RANBP3: variants seen among roughly 807,000 people sequenced by gnomAD.
The protein encoded by RANBP3 is RAN binding protein 3, also known as ran-binding protein 3.
RANBP3 carries 14 observed loss-of-function variants against 77.3 expected under a neutral mutation model. The observed-to-expected ratio is 0.18, with a 90% CI of 0.12 to 0.28. The LOEUF is 0.28. RANBP3 is among the 10% of genes least tolerant of loss of function. The pLI, the probability that RANBP3 is intolerant of heterozygous loss-of-function variation, is 1.00. For missense variants in RANBP3, 586 were observed against 752.3 expected (o/e 0.78, Z 2.59); for synonymous variants, 315 against 312.4 (o/e 1.01, Z -0.09).
chr19:5,924,151 G>C lies in RANBP3; in HGVS notation c.997-237C>G, dbSNP rs377067992. Reference sequence around the variant, plus strand: ...CACACTGGTCACTCCGTCTGGGTGAGGCAAGACTTTGAACATTTCATTGAA... The same window carrying C: ...CACACTGGTCACTCCGTCTGGGTGACGCAAGACTTTGAACATTTCATTGAA... On this transcript the variant is annotated intron_variant, in intron 11 of 16. Transcript: ENST00000340578. This position sits in a 1 kb window ranked among gnomAD's most constrained non-coding sequence, Gnocchi z 4.7. Among the ~76,000 whole-genome samples, 6 of 152,318 alleles carry C rather than the reference G, an allele frequency of 3.9e-5. No individual in the cohort carries two copies. Among genetic ancestry groups the C allele is most frequent in the East Asian group, 1.9e-4 (1 of 5,178 alleles).
At position 5,929,543 on chromosome 19, in the gene RANBP3, C is replaced by T. The variant is rs553039792; in HGVS notation, c.694-1456G>A. ...TAGAGGATTCGCTTAAACTGATAAA[C>T]GAATCCCGAGGCCTGTAACCAGTCT... On this transcript the variant is annotated intron_variant, in intron 8 of 16. Transcript: ENST00000340578. Among the ~76,000 whole-genome samples the T allele has an allele frequency of 9.2e-5, 14 of 152,362 alleles. No individual in the cohort carries two copies. The South Asian group carries it at 2.1e-3, about 23-fold the overall frequency.
intron 3 of RANBP3, among the ~76,000 whole-genome samples, chr19:5,948,772 C>G (rs912142617): frequency 6.6e-6 from 1 of 152,104 alleles, no homozygotes; most frequent in East Asian, 1.9e-4. Flanking sequence ...ATTCCAGAAC[C>G]TCCTTAAGCT....
chr19:5,931,675 G>T, intron 7 of RANBP3, 144 bp from the exon 8 acceptor site: 1 of 836,328 alleles, frequency 1.2e-6, no homozygotes, highest in Non-Finnish European at 1.7e-6. Context: ...TTTAAGGAAG[G>T]ACCTGGTATC....
intron 3 of RANBP3, among the ~76,000 whole-genome samples, chr19:5,949,139 AGATGTGACG>A (rs2058244147): frequency 6.6e-6 from 1 of 152,214 alleles, no homozygotes; most frequent in African/African-American, 2.4e-5. Context: ...TGAACAGACT[AGATGTGACG>A]GATGAGACCT....
At chr19:5,922,162 T>C (rs2057829629) in intron 13 of RANBP3, among the ~76,000 whole-genome samples, 2 of 152,126 alleles carry the variant, frequency 1.3e-5, no homozygotes, top group African/African-American at 2.4e-5. Flanking sequence ...TCTGTGAATA[T>C]ACTAGAAACC....
intron 10 of RANBP3, 108 bp from the exon 11 acceptor site, chr19:5,925,013 G>A: frequency 5.0e-6 from 5 of 998,726 alleles, no homozygotes; most frequent in Non-Finnish European, 7.9e-6. Flanking sequence ...CAGTGGAGGG[G>A]CCTCCGCCAC....
At chr19:5,970,970 T>C (rs1390203110) in intron 1 of RANBP3, among the ~76,000 whole-genome samples, 1 of 152,168 alleles carries the variant, frequency 6.6e-6, no homozygotes. Flanking sequence ...CAGCTCTGGT[T>C]TAGAATTCTC....
chr19:5,923,889 C>T lies in RANBP3; in HGVS notation c.1022G>A (p.Ser341Asn). 1 of 1,614,202 alleles carries T rather than the reference C, an allele frequency of 6.2e-7. No homozygotes were observed. Among genetic ancestry groups the T allele is most frequent in the African/African-American group, 1.3e-5 (1 of 75,060 alleles). The change falls in exon 12 of 17, where the codon AGT becomes AAT. Residue 341 changes from serine to asparagine, a missense_variant. Transcript: ENST00000340578. ...TGCATTTTCCCTGTTGGCATCTGAA[C>T]TGACCTCGTTTAATTTTGGGGGGCT... ...VLSPPKLNEVSSDANRENAAA... is the reference protein window; with the variant it reads ...VLSPPKLNEVNSDANRENAAA...
intron 8 of RANBP3, 87 bp downstream of exon 8, chr19:5,931,317 G>C: frequency 1.0e-5 from 15 of 1,482,332 alleles, no homozygotes; most frequent in Non-Finnish European, 1.4e-5. Flanking sequence ...GTGACAGCGT[G>C]TGGACTCCAC....
chr19:5,933,289 G>A (rs534593216), intron 6 of RANBP3, 125 bp downstream of exon 6: 7 of 738,268 alleles, frequency 9.5e-6, no homozygotes, highest in African/African-American at 5.4e-5. Flanking sequence ...TCCAGGGCTC[G>A]TGGGTCAAGT....
chr19:5,918,820 C>T (rs567348778), intron 14 of RANBP3, among the ~76,000 whole-genome samples, 182 bp from the exon 15 acceptor site: 5 of 152,108 alleles, frequency 3.3e-5, no homozygotes, highest in East Asian at 1.9e-4. Context: ...CACCTGCTCC[C>T]GGGGCGGGGC....
chr19:5,950,762 C>T (rs994337484), intron 3 of RANBP3: 1 of 152,904 alleles, frequency 6.5e-6, no homozygotes, highest in Non-Finnish European at 1.5e-5. Context: ...ATTTCTTGTT[C>T]TTGAGAGTTC....
chr19:5,945,467 T>C (rs1305671553), intron 3 of RANBP3, among the ~76,000 whole-genome samples: 1 of 152,360 alleles, frequency 6.6e-6, no homozygotes, highest in East Asian at 1.9e-4. Context: ...ACCTAACAAA[T>C]GGCCCCCCAT....
rs1381673349 is a variant in RANBP3 at position 5,917,880 on chromosome 19, G to A, written c.1574C>T (p.Ala525Val). 11 of 1,612,796 alleles carry A rather than the reference G, an allele frequency of 6.8e-6. No individual in the cohort carries two copies. Among genetic ancestry groups the A allele is most frequent in the East Asian group, 6.7e-5 (3 of 44,878 alleles). The part of the protein sequence containing the change: ...VEQEQEAKMP[A>V]PEPGAAPSNE... ...GGATGGGGCTGCCCCAGGCTCAGGC[G>A]CGGGCATCTTGGCCTCCTGCTCCTG... is the stretch of plus-strand genomic sequence containing the variant. Residue 525 changes from alanine to valine, a missense_variant, in exon 16 of 17, where the codon GCG becomes GTG. Physicochemically the swap from Ala to Val is moderately conservative, Grantham distance 64. Around this residue, in one of 5 missense-constraint regions of RANBP3, gnomAD observed 128 missense variants for 157.0 expected, o/e 0.82. Coordinates refer to ENST00000340578, the MANE Select transcript of RANBP3 (RefSeq NM_007322.3).
intron 3 of RANBP3, among the ~76,000 whole-genome samples, chr19:5,947,564 A>G (rs950925144): frequency 1.3e-5 from 2 of 152,194 alleles, no homozygotes; most frequent in African/African-American, 4.8e-5. Flanking sequence ...TCCCAGAGTA[A>G]TAATAAGGAA....
At chr19:5,918,089 G>A in intron 15 of RANBP3, 109 bp from the exon 16 acceptor site, 1 of 1,249,686 alleles carries the variant, frequency 8.0e-7, no homozygotes, top group Non-Finnish European at 1.1e-6. Context: ...ACTGCCACAA[G>A]GCCTTGTGGG....
intron 10 of RANBP3, 177 bp downstream of exon 10, chr19:5,925,457 A>T (rs1051524391): frequency 3.2e-6 from 2 of 620,242 alleles, no homozygotes; most frequent in Non-Finnish European, 2.9e-6. Flanking sequence ...GACAAGGCCC[A>T]CCACCCTGGC....
chr19:5,954,281 G>A (rs908108560), intron 2 of RANBP3, among the ~76,000 whole-genome samples: 10 of 152,290 alleles, frequency 6.6e-5, no homozygotes, highest in East Asian at 3.9e-4. Flanking sequence ...CAGTTGATGA[G>A]ACTTCTTGAT....
intron 13 of RANBP3, among the ~76,000 whole-genome samples, chr19:5,922,344 T>C (rs117705117): frequency 2.3e-3 from 357 of 152,096 alleles, no homozygotes; most frequent in Non-Finnish European, 4.1e-3. Context: ...AAGTGGTAAG[T>C]GGGAAAAAAG....
Sources: allele counts gnomAD v4.1 joint callset (sites outside exome capture counted in the v4.1 genomes callset), GRCh38; gene constraint gnomAD v4.1.1; regional missense constraint gnomAD v4.1.1; non-coding constraint Gnocchi (gnomAD v3.1); transcripts MANE v1.5; gene names NCBI Gene and HGNC (gene_info 2026-07-23, HGNC 2026-07-21).